ALK: variants seen among roughly 807,000 people sequenced by gnomAD.
ALK encodes ALK tyrosine kinase receptor.
A neutral mutation model predicts 163.1 loss-of-function variants in ALK; 74 were observed. The ratio of observed to expected loss-of-function variants is 0.45; its 90% CI spans 0.38 to 0.55. The LOEUF (loss-of-function observed/expected upper bound fraction) is 0.55, where lower values mean the gene tolerates loss of function less well. ALK is among the 20% of genes least tolerant of loss of function. The pLI, the probability that ALK is intolerant of heterozygous loss-of-function variation, is 0.00. For missense variants in ALK, 2,063 were observed against 2,105.3 expected, an observed-to-expected ratio of 0.98 and a Z score of 0.39; for synonymous variants, 960 against 843.2, an observed-to-expected ratio of 1.14 and a Z score of -2.40.
At chr2:29,251,300 T>C in intron 11 of ALK, 33 bp from the exon 12 acceptor site, 1 of 1,604,672 alleles carries the variant, frequency 6.2e-7, no homozygotes, top group South Asian at 1.1e-5. Context: ...GTCACTCATG[T>C]GGCCAGGCCC....
chr2:29,573,627 A>G (rs1369568226), intron 3 of ALK, among the ~76,000 whole-genome samples: 2 of 152,224 alleles, frequency 1.3e-5, no homozygotes, highest in Admixed American at 6.5e-5. Context: ...CGTATCATTC[A>G]TGTATTATTC....
intron 3 of ALK, among the ~76,000 whole-genome samples, chr2:29,679,657 T>C (rs1210606265): frequency 6.6e-6 from 1 of 151,988 alleles, no homozygotes; most frequent in Admixed American, 6.6e-5. Context: ...CTATATATGT[T>C]ATCAACCCAA....
In ALK at chr2:29,223,425, G is replaced by A. The variant is rs1558623845; in HGVS notation, c.3276C>T (p.Tyr1092=). Reference sequence around the variant, plus strand: ...TGCCAGCAAAGCAGTAGTTGGGGTTGTAGTCGGTCATGATGGTCGAGGTGC... The same window carrying A: ...TGCCAGCAAAGCAGTAGTTGGGGTTATAGTCGGTCATGATGGTCGAGGTGC... ...KLRTSTIMTD[Y]NPNYCFAGKT... is the part of the protein sequence containing the mutation. The change falls in exon 20 of 29, where the codon TAC becomes TAT. Residue 1092 remains tyrosine, a synonymous_variant. Transcript: ENST00000389048. The A allele has an allele frequency of 1.2e-6, 2 of 1,614,198 alleles. No individual in the cohort carries two copies. The highest frequency in any genetic ancestry group is 1.7e-6 in the Non-Finnish European group (2 of 1,180,044).
intron 26 of ALK, among the ~76,000 whole-genome samples, chr2:29,198,000 C>T (rs529432814): frequency 6.6e-6 from 1 of 152,262 alleles, no homozygotes; most frequent in East Asian, 1.9e-4. Context: ...TTTTCCATGC[C>T]AGTCCATTTC....
At chr2:29,230,441 G>A (rs1165173701) in intron 15 of ALK, among the ~76,000 whole-genome samples, 1 of 152,116 alleles carries the variant, frequency 6.6e-6, no homozygotes, top group East Asian at 1.9e-4. Flanking sequence ...GAAATTGATG[G>A]TGGAAGGCAG....
chr2:29,777,859 C>A (rs2148348571), intron 1 of ALK, among the ~76,000 whole-genome samples: 1 of 152,230 alleles, frequency 6.6e-6, no homozygotes, highest in East Asian at 1.9e-4. Context: ...GTGAGCTCAC[C>A]CCAGAACGAT....
chr2:29,900,994 A>AGAGC (rs1265632082), intron 1 of ALK, among the ~76,000 whole-genome samples: 2 of 115,988 alleles, frequency 1.7e-5, no homozygotes, highest in Non-Finnish European at 3.9e-5. Flanking sequence ...AGAGAGAGAG[A>AGAGC]GAGCAAGCAA....
intron 4 of ALK, among the ~76,000 whole-genome samples, chr2:29,405,092 T>A (rs1669548772): frequency 6.6e-6 from 1 of 152,230 alleles, no homozygotes; most frequent in Admixed American, 6.5e-5. Context: ...TAAGATTCTT[T>A]TTGACAATGT....
chr2:29,728,579 G>C (rs1053424539), intron 1 of ALK, among the ~76,000 whole-genome samples: 1 of 152,206 alleles, frequency 6.6e-6, no homozygotes, highest in Admixed American at 6.5e-5. Context: ...CGTATGATGA[G>C]GGATCTGACT....
intron 4 of ALK, among the ~76,000 whole-genome samples, chr2:29,403,823 G>A (rs146488229): frequency 1.9e-3 from 287 of 151,542 alleles, no homozygotes; most frequent in East Asian, 0.01. Flanking sequence ...GAGGTAGGAG[G>A]ATCATTTGAG....
chr2:29,371,703 G>A (rs896406863), intron 5 of ALK, among the ~76,000 whole-genome samples: 1 of 152,164 alleles, frequency 6.6e-6, no homozygotes, highest in African/African-American at 2.4e-5. Context: ...TTCTCTGCCT[G>A]ATTTGGGAGA....
At chr2:29,571,506 C>T (rs1674367787) in intron 3 of ALK, among the ~76,000 whole-genome samples, 1 of 150,934 alleles carries the variant, frequency 6.6e-6, no homozygotes, top group Non-Finnish European at 1.5e-5. Context: ...TTGCTTTCTG[C>T]CATGATTCTA....
intron 1 of ALK, among the ~76,000 whole-genome samples, chr2:29,802,026 T>C (rs1664478779): frequency 1.3e-5 from 2 of 152,108 alleles, no homozygotes; most frequent in Admixed American, 6.5e-5. Context: ...TCTTGTTCTG[T>C]AAGGAAAACT....
At chr2:29,200,716 C>CATACGTAT (rs1400896670) in intron 26 of ALK, among the ~76,000 whole-genome samples, 2 of 70,676 alleles carry the variant, frequency 2.8e-5, no homozygotes, top group Non-Finnish European at 8.5e-5. Context: ...ATCAAATATA[C>CATACGTAT]ATACGTATAT....
chr2:29,415,588 C>T (rs1204862201), intron 4 of ALK, among the ~76,000 whole-genome samples: 2 of 152,160 alleles, frequency 1.3e-5, no homozygotes, highest in East Asian at 1.9e-4. Context: ...ATCAGAACTA[C>T]CCAGTTAAAA....
chr2:29,323,836 A>G (rs1667152906), intron 6 of ALK, among the ~76,000 whole-genome samples: 1 of 152,164 alleles, frequency 6.6e-6, no homozygotes, highest in Admixed American at 6.6e-5. Context: ...CATTCGCCCC[A>G]AGCTCCTACT....
chr2:29,585,395 C>T (rs996345960), intron 3 of ALK, among the ~76,000 whole-genome samples: 9 of 152,120 alleles, frequency 5.9e-5, no homozygotes, highest in African/African-American at 1.4e-4. Flanking sequence ...GGCACAATTT[C>T]GGCTCACCAC....
At chr2:29,852,832 T>TTCTCTCTCTCTCTC (rs56348355) in intron 1 of ALK, among the ~76,000 whole-genome samples, 1 of 148,474 alleles carries the variant, frequency 6.7e-6, no homozygotes, top group African/African-American at 2.5e-5. Flanking sequence ...GACCAGAGCT[T>TTCTCTCTCTCTCTC]TCTCTCTCTC....
intron 3 of ALK, among the ~76,000 whole-genome samples, chr2:29,640,931 A>T (rs57004336): frequency 0.011 from 1,682 of 152,188 alleles, 37 homozygotes; most frequent in African/African-American, 0.038. Flanking sequence ...TATTATGAAT[A>T]GAAAGAAGAG....
Sources: gnomAD v4.1 joint callset for allele counts (sites outside exome capture counted in the v4.1 genomes callset) on GRCh38, gnomAD v4.1.1 for gene constraint, MANE v1.5 for transcripts, NCBI Gene and HGNC (gene_info 2026-07-23, HGNC 2026-07-21) for gene names.